PAK3: variants seen among roughly 807,000 people sequenced by gnomAD.
PAK3 encodes p21 (RAC1) activated kinase 3, also known as serine/threonine-protein kinase PAK 3.
Under a neutral mutation model 41.0 loss-of-function variants are expected in PAK3, and 4 were observed. The observed-to-expected ratio is 0.10, with a 90% CI of 0.05 to 0.22. The LOEUF (loss-of-function observed/expected upper bound fraction) is 0.22. Ranked by LOEUF, PAK3 falls within the 10% of genes least tolerant of loss-of-function variation. The probability of loss-of-function intolerance (pLI) is 1.00; values close to 1 mark genes in which losing one functional copy is unlikely to be tolerated. For missense variants in PAK3, 205 were observed against 409.9 expected (o/e 0.50, Z 4.32); for synonymous variants, 146 against 139.6 (o/e 1.05, Z -0.32).
chrX:111,201,003 C>T (rs912948606), intron 16 of PAK3, among the ~76,000 whole-genome samples: 2 of 112,156 alleles, frequency 1.8e-5, no homozygotes, highest in African/African-American at 6.5e-5. Context: ...GATATCTAAA[C>T]AAGTACTTGC....
rs906886270 is a variant in PAK3, at chrX:111,225,011, G to C, written c.*4564G>C. The C allele has an allele frequency of 8.9e-6, 1 of 112,068 alleles. No homozygotes were observed. The highest frequency in any genetic ancestry group is 3.2e-5 in the African/African-American group (1 of 30,847). 9.2% of individuals were successfully genotyped at this position (112,068 alleles called of 1,213,427 possible). A position where few individuals can be genotyped will look rare whatever the true frequency, so the allele number is the denominator to read the frequency against. On this transcript the variant is annotated 3_prime_UTR_variant, in exon 18 of 18. Transcript: ENST00000372007. ...CCAGTCTCTGAGCTCTGAACAAGAG[G>C]ACTGAAATTCAGCATTTGTAAACTG...
chrX:111,079,190 T>C (rs1299168592), intron 1 of PAK3, among the ~76,000 whole-genome samples: 1 of 112,005 alleles, frequency 8.9e-6, no homozygotes, highest in Non-Finnish European at 1.9e-5. Flanking sequence ...ACAATGAATT[T>C]TCAATATAAC....
chrX:111,064,486 G>A (rs1053405215), intron 1 of PAK3, among the ~76,000 whole-genome samples: 10 of 92,239 alleles, frequency 1.1e-4, no homozygotes, highest in African/African-American at 4.2e-4. Flanking sequence ...GTCTATTGCT[G>A]CCATCTTTAT....
chrX:111,153,708 G>A (rs1489091683), intron 8 of PAK3, among the ~76,000 whole-genome samples: 1 of 111,531 alleles, frequency 9.0e-6, no homozygotes, highest in African/African-American at 3.3e-5. Context: ...TTCTTTAGTT[G>A]TAAAGAGTAA....
intron 16 of PAK3, among the ~76,000 whole-genome samples, chrX:111,210,400 C>G (rs755265922): frequency 1.0e-3 from 114 of 111,320 alleles, no homozygotes; most frequent in African/African-American, 3.5e-3. Context: ...TTGGTGATGA[C>G]ATCCCCTTAC....
intron 1 of PAK3, among the ~76,000 whole-genome samples, chrX:111,059,121 C>CT (rs386417402): frequency 0.018 from 1,082 of 60,980 alleles, 46 homozygotes; most frequent in African/African-American, 0.057. Flanking sequence ...TCAACTTTTC[C>CT]TTTTTTTTTT....
intron 14 of PAK3, 66 bp downstream of exon 14, chrX:111,194,484 T>A: frequency 9.5e-6 from 6 of 630,405 alleles, no homozygotes; most frequent in Non-Finnish European, 1.4e-5. Flanking sequence ...TTTCTGATTA[T>A]TCAGAATGTT....
chrX:110,969,065 T>C (rs766367076), intron 1 of PAK3, among the ~76,000 whole-genome samples: 2 of 102,333 alleles, frequency 2.0e-5, no homozygotes, highest in Non-Finnish European at 3.9e-5. Context: ...GTAGCTGGGA[T>C]TAAAGGCATG....
intron 1 of PAK3, among the ~76,000 whole-genome samples, chrX:111,068,289 AGGCTTG>A (rs2092715894): frequency 9.0e-6 from 1 of 111,070 alleles, no homozygotes; most frequent in Non-Finnish European, 1.9e-5. Context: ...CAATTCCCAT[AGGCTTG>A]TTTTATTTTT....
chrX:111,108,108 T>A (rs1181561681), intron 4 of PAK3, among the ~76,000 whole-genome samples: 1 of 112,103 alleles, frequency 8.9e-6, no homozygotes, highest in Non-Finnish European at 1.9e-5. Flanking sequence ...CATGGAGGGA[T>A]CTTTATCATG....
intron 14 of PAK3, among the ~76,000 whole-genome samples, chrX:111,195,402 G>C (rs929681334): frequency 5.4e-5 from 6 of 111,928 alleles, no homozygotes; most frequent in Non-Finnish European, 9.4e-5. Flanking sequence ...CCCAAACCTG[G>C]CTACCCATTA....
chrX:111,146,652 T>C (rs938118391), intron 6 of PAK3: 2 of 503,192 alleles, frequency 4.0e-6, no homozygotes, highest in African/African-American at 4.8e-5. Flanking sequence ...GTGTGTGCAG[T>C]AGAGTTGTTG....
intron 11 of PAK3, among the ~76,000 whole-genome samples, chrX:111,182,114 T>A (rs2094468327): frequency 9.0e-6 from 1 of 111,709 alleles, no homozygotes; most frequent in African/African-American, 3.3e-5. Context: ...ACTTGTTTTT[T>A]CCAGCCACAG....
chrX:111,178,656 T>C lies in PAK3; in HGVS notation c.830+5575T>C, dbSNP rs189897945. ...TATATAGAACAGAATATAATAAGTA[T>C]TGTGAAGAAATTACAAAGATCTCTG... On this transcript the variant is annotated intron_variant, in intron 11 of 17. Transcript: ENST00000372007. 2.7e-5 allele frequency among the ~76,000 whole-genome samples: 3 copies of C among 110,759 alleles called. No individual in the cohort carries two copies. The East Asian group carries it at 8.5e-4, about 32-fold the overall frequency.
chrX:111,019,472 C>T (rs557902878), intron 1 of PAK3, among the ~76,000 whole-genome samples: 206 of 102,182 alleles, frequency 2.0e-3, no homozygotes, highest in Middle Eastern at 0.01. Context: ...AGCAGGAAGA[C>T]GGCTTGAGCC....
chrX:111,011,246 G>T (rs1438002067), intron 1 of PAK3, among the ~76,000 whole-genome samples: 1 of 111,335 alleles, frequency 9.0e-6, no homozygotes, highest in Non-Finnish European at 1.9e-5. Flanking sequence ...CTGATTCCTC[G>T]AAATGAAGGC....
At position 111,163,552 on chromosome X, in the gene PAK3, G is replaced by A. The variant is rs185674324; in HGVS notation, c.601-10G>A. The A allele has an allele frequency of 1.7e-6, 2 of 1,195,103 alleles. No homozygotes were observed. The highest frequency in any genetic ancestry group is 2.3e-6 in the Non-Finnish European group (2 of 882,926). ...GCTGTTTTAATTGCAGAGCTTTTTG[G>A]TTTTTTTAGATCTATACTCGTTCTG... On this transcript the variant is annotated splice_polypyrimidine_tract_variant and intron_variant, in intron 9 of 17. Coordinates refer to ENST00000372007, the MANE Select transcript of PAK3 (RefSeq NM_002578.5).
intron 11 of PAK3, among the ~76,000 whole-genome samples, chrX:111,190,020 A>T (rs1603370790): frequency 8.9e-6 from 1 of 112,136 alleles, no homozygotes; most frequent in East Asian, 2.8e-4. Context: ...ACAAATATTT[A>T]TTGGGAACTA....
At chrX:110,960,520 C>T (rs1046883713) in intron 1 of PAK3, among the ~76,000 whole-genome samples, 1 of 111,386 alleles carries the variant, frequency 9.0e-6, no homozygotes, top group African/African-American at 3.3e-5. Flanking sequence ...GCAAGTCTAG[C>T]TTAAGCTGAG....
Sources: allele counts gnomAD v4.1 joint callset (sites outside exome capture counted in the v4.1 genomes callset), GRCh38; gene constraint gnomAD v4.1.1; transcripts MANE v1.5; gene names NCBI Gene and HGNC (gene_info 2026-07-23, HGNC 2026-07-21).